The following DLC1 variants were observed in gnomAD, a reference collection of about 807,000 sequenced individuals.
The protein encoded by DLC1 is rho GTPase-activating protein 7.
In DLC1, 54 loss-of-function variants were observed where a neutral mutation model predicts 140.3. That is an observed-to-expected ratio of 0.38 (90% confidence interval 0.31 to 0.48). The LOEUF (loss-of-function observed/expected upper bound fraction) is 0.48. DLC1 is among the 20% of genes least tolerant of loss of function. DLC1 has a pLI of 0.96. For synonymous variants in DLC1, 986 were observed against 728.1 expected (o/e 1.35, Z -5.70); for missense variants, 2,536 against 1,907.0 (o/e 1.33, Z -6.14).
intron 1 of DLC1, among the ~76,000 whole-genome samples, chr8:13,537,125 TA>T (rs34076824): frequency 0.27 from 41,451 of 151,380 alleles, 7,009 homozygotes; most frequent in Middle Eastern, 0.39. Context: ...AACAGTACAT[TA>T]AAAAAAAACC....
chr8:13,312,186 C>T (rs1370559173), intron 4 of DLC1, among the ~76,000 whole-genome samples: 1 of 131,594 alleles, frequency 7.6e-6, no homozygotes, highest in African/African-American at 2.9e-5. Flanking sequence ...ACGGTGAAAC[C>T]CCGTCTCTAC....
chr8:13,511,927 T>G (rs556646906), intron 1 of DLC1, among the ~76,000 whole-genome samples: 67 of 152,272 alleles, frequency 4.4e-4, no homozygotes, highest in African/African-American at 1.5e-3. Context: ...CTGTAAGATC[T>G]AAAACTCTAT....
intron 1 of DLC1, among the ~76,000 whole-genome samples, chr8:13,604,363 T>C (rs1437207930): frequency 6.6e-6 from 1 of 152,198 alleles, no homozygotes; most frequent in East Asian, 1.9e-4. Context: ...TCAACTTCTT[T>C]TATGTGTATT....
chr8:13,424,086 C>G (rs1461124047), intron 2 of DLC1, among the ~76,000 whole-genome samples: 1 of 152,126 alleles, frequency 6.6e-6, no homozygotes, highest in Non-Finnish European at 1.5e-5. Context: ...TTTCCTTATG[C>G]TATTGAAAAC....
intron 1 of DLC1, among the ~76,000 whole-genome samples, chr8:13,514,241 T>C (rs1458982297): frequency 6.6e-6 from 1 of 152,152 alleles, no homozygotes; most frequent in Non-Finnish European, 1.5e-5. Flanking sequence ...GAGGAATTCA[T>C]TTACACCTCA....
At chr8:13,169,460 T>C (rs1462060108) in intron 5 of DLC1, among the ~76,000 whole-genome samples, 2 of 152,240 alleles carry the variant, frequency 1.3e-5, no homozygotes, top group Middle Eastern at 3.2e-3. Context: ...GGATAAAATA[T>C]CTCAAAATAT....
intron 5 of DLC1, among the ~76,000 whole-genome samples, chr8:13,211,537 G>A (rs1370793027): frequency 6.6e-6 from 1 of 152,208 alleles, no homozygotes; most frequent in South Asian, 2.1e-4. Flanking sequence ...CATCAGCTGG[G>A]TGTGGGGAAG....
intron 2 of DLC1, among the ~76,000 whole-genome samples, chr8:13,409,702 T>C (rs978629468): frequency 6.6e-6 from 1 of 152,176 alleles, no homozygotes; most frequent in African/African-American, 2.4e-5. Flanking sequence ...GTGACTCCAA[T>C]AGAGGGGTCT....
At chr8:13,281,515 T>A (rs890563627) in intron 5 of DLC1, among the ~76,000 whole-genome samples, 9 of 152,186 alleles carry the variant, frequency 5.9e-5, no homozygotes, top group African/African-American at 2.2e-4. Flanking sequence ...TTTTGTATAA[T>A]GTACAAAGCA....
chr8:13,429,734 G>A (rs1401552982), intron 2 of DLC1, among the ~76,000 whole-genome samples: 3 of 152,152 alleles, frequency 2.0e-5, no homozygotes, highest in South Asian at 2.1e-4. Flanking sequence ...AGAATCTCTA[G>A]ATTTTAAATA....
intron 5 of DLC1, among the ~76,000 whole-genome samples, chr8:13,135,665 C>A (rs761328123): frequency 3.9e-5 from 6 of 152,172 alleles, no homozygotes; most frequent in Admixed American, 2.0e-4. Flanking sequence ...CCTCCAAATA[C>A]ACCAATTCTC....
upstream of DLC1, among the ~76,000 whole-genome samples, chr8:13,519,489 A>G (rs896890041): frequency 6.6e-6 from 1 of 152,124 alleles, no homozygotes; most frequent in African/African-American, 2.4e-5. Context: ...AAAACCATAT[A>G]ATTTGTAGTT....
chr8:13,292,740 AT>A (rs981542631), intron 5 of DLC1, among the ~76,000 whole-genome samples: 3 of 152,134 alleles, frequency 2.0e-5, no homozygotes, highest in East Asian at 1.9e-4. Context: ...GAATTCTGAC[AT>A]TTTTTTCTCT....
At chr8:13,091,260 G>C (rs1037394599) in intron 14 of DLC1, 58 bp downstream of exon 14, 2 of 1,565,444 alleles carry the variant, frequency 1.3e-6, no homozygotes, top group African/African-American at 1.4e-5. Context: ...TCAAGCCTAA[G>C]ATTTTGTACC....
At chr8:13,309,014 A>C (rs942169845) in intron 4 of DLC1, among the ~76,000 whole-genome samples, 2 of 152,174 alleles carry the variant, frequency 1.3e-5, no homozygotes, top group African/African-American at 4.8e-5. Context: ...GAACTAAAAC[A>C]CCGAATGCCT....
At chr8:13,454,247 AT>A (rs1799288554) in intron 2 of DLC1, among the ~76,000 whole-genome samples, 1 of 152,192 alleles carries the variant, frequency 6.6e-6, no homozygotes, top group South Asian at 2.1e-4. Context: ...TTAAAAAAAA[AT>A]CTTGTAAAGA....
At chr8:13,444,426 T>C (rs1276669370) in intron 2 of DLC1, among the ~76,000 whole-genome samples, 1 of 152,162 alleles carries the variant, frequency 6.6e-6, no homozygotes, top group African/African-American at 2.4e-5. Flanking sequence ...TATGCACATG[T>C]ACTCTAGAAC....
intron 5 of DLC1, among the ~76,000 whole-genome samples, chr8:13,117,372 G>C (rs955332265): frequency 2.6e-5 from 4 of 151,952 alleles, no homozygotes; most frequent in Admixed American, 6.6e-5. Context: ...CAGCTACTCT[G>C]GAGGCTGAGG....
intron 5 of DLC1, among the ~76,000 whole-genome samples, chr8:13,157,753 T>A (rs549660051): frequency 3.9e-5 from 6 of 152,386 alleles, no homozygotes; most frequent in African/African-American, 1.4e-4. Context: ...GGAGATTCTT[T>A]CACACTCTGC....
Sources: allele counts gnomAD v4.1 joint callset (sites outside exome capture counted in the v4.1 genomes callset), GRCh38; gene constraint gnomAD v4.1.1; transcripts MANE v1.5; gene names NCBI Gene and HGNC (gene_info 2026-07-23, HGNC 2026-07-21).